Variants in FAM210A observed in about 807,000 individuals in gnomAD.
The protein encoded by FAM210A is mitochondrial inner membrane scaffold 1, also known as family with sequence similarity 210 member A.
A neutral mutation model predicts 25.3 loss-of-function variants in FAM210A; 13 were observed. The observed-to-expected ratio is 0.51, with a 90% CI of 0.33 to 0.82. FAM210A has a LOEUF of 0.82. Among genes scored for constraint, FAM210A ranks in the 40% least tolerant of loss-of-function variants. The pLI is 0.02. For synonymous variants in FAM210A, 125 were observed against 118.7 expected (o/e 1.05, Z -0.35); for missense variants, 319 against 323.2 (o/e 0.99, Z 0.10).
intron 1 of FAM210A, among the ~76,000 whole-genome samples, chr18:13,700,858 A>G (rs998709071): frequency 7.2e-5 from 11 of 152,222 alleles, no homozygotes; most frequent in Admixed American, 2.6e-4. Context: ...AACCACTCAT[A>G]GACTGCTAAG....
chr18:13,721,384 G>A (rs1426785269), intron 1 of FAM210A, among the ~76,000 whole-genome samples: 1 of 152,140 alleles, frequency 6.6e-6, no homozygotes, highest in African/African-American at 2.4e-5. Flanking sequence ...ACTCAGTTAA[G>A]TTTATGATAA....
intron 1 of FAM210A, among the ~76,000 whole-genome samples, chr18:13,712,687 C>T (rs2043831065): frequency 6.6e-6 from 1 of 152,174 alleles, no homozygotes; most frequent in Non-Finnish European, 1.5e-5. Flanking sequence ...ACACCTTTAT[C>T]TGCCAGTACC....
chr18:13,713,508 C>T (rs1456394385), intron 1 of FAM210A, among the ~76,000 whole-genome samples: 1 of 152,092 alleles, frequency 6.6e-6, no homozygotes, highest in African/African-American at 2.4e-5. Context: ...CATAAATAAT[C>T]CTGAATACAT....
rs2043379466 is a variant in FAM210A, at chr18:13,663,854, T to A, written c.*2626A>T. On this transcript the variant is annotated 3_prime_UTR_variant, in exon 4 of 4. Transcript: ENST00000651643. ...AAATATAAATATAAATGTAGACATGTAAGACACAGGGCTGCTTCTGCCGAG... is the reference window on the plus strand; with the variant it reads ...AAATATAAATATAAATGTAGACATGAAAGACACAGGGCTGCTTCTGCCGAG... 1 of 151,958 alleles carries A rather than the reference T, an allele frequency of 6.6e-6. No homozygotes were observed. Among genetic ancestry groups the A allele is most frequent in the Non-Finnish European group, 1.5e-5 (1 of 68,044 alleles). 9.4% of individuals were successfully genotyped at this position (151,958 alleles called of 1,614,324 possible).
chr18:13,703,400 G>C (rs2043756061), intron 1 of FAM210A, among the ~76,000 whole-genome samples: 1 of 152,210 alleles, frequency 6.6e-6, no homozygotes, highest in African/African-American at 2.4e-5. Context: ...CAAATGGGCT[G>C]ATTGGTTTTG....
intron 1 of FAM210A, among the ~76,000 whole-genome samples, chr18:13,726,054 G>A (rs776287169): frequency 6.6e-6 from 1 of 152,244 alleles, no homozygotes; most frequent in Non-Finnish European, 1.5e-5. Context: ...AAGGGTTACA[G>A]CAAAGGAGGC....
intron 1 of FAM210A, among the ~76,000 whole-genome samples, chr18:13,702,001 A>AAG (rs2043744729): frequency 6.6e-6 from 1 of 152,216 alleles, no homozygotes; most frequent in African/African-American, 2.4e-5. Context: ...GCCCCCATGC[A>AAG]GCTGGTTGGG....
chr18:13,688,893 T>C (rs2043619703), intron 1 of FAM210A, among the ~76,000 whole-genome samples: 2 of 152,354 alleles, frequency 1.3e-5, no homozygotes, highest in South Asian at 4.1e-4. Context: ...TCTCCTGTGA[T>C]GGGTGGAGCA....
intron 3 of FAM210A, among the ~76,000 whole-genome samples, chr18:13,671,592 G>A (rs570943550): frequency 1.3e-5 from 2 of 151,788 alleles, no homozygotes; most frequent in East Asian, 3.9e-4. Context: ...GGGAGGCTGA[G>A]GTAGGAGAAT....
At chr18:13,711,440 A>G (rs2043820612) in intron 1 of FAM210A, among the ~76,000 whole-genome samples, 1 of 152,136 alleles carries the variant, frequency 6.6e-6, no homozygotes, top group Non-Finnish European at 1.5e-5. Flanking sequence ...CAAAAAAACC[A>G]GCCTTCTCTT....
chr18:13,687,730 A>AC (rs897530740), intron 1 of FAM210A: 3 of 152,190 alleles, frequency 2.0e-5, no homozygotes, highest in African/African-American at 7.2e-5. Context: ...TCATGGTTAA[A>AC]CACTGCACTT....
chr18:13,724,199 C>T (rs2043917013), intron 1 of FAM210A, among the ~76,000 whole-genome samples: 1 of 152,038 alleles, frequency 6.6e-6, no homozygotes, highest in Non-Finnish European at 1.5e-5. Flanking sequence ...ACATCATAAC[C>T]CAGGCATTAA....
rs747729503 is a variant in FAM210A at position 13,681,826 on chromosome 18, C to T, written c.252G>A (p.Lys84=). The change falls in exon 2 of 4, where the codon AAG becomes AAA. Residue 84 remains lysine, a synonymous_variant. Transcript: ENST00000651643. The part of the protein sequence containing the change: ...HPPQPGVLRH[K]QGKQHVSFRR... ...TGAATGAAACATGTTGCTTCCCTTGCTTATGGCGAAGGACTCCTGGTTGGG... is the reference window on the plus strand; with the variant it reads ...TGAATGAAACATGTTGCTTCCCTTGTTTATGGCGAAGGACTCCTGGTTGGG... The T allele has an allele frequency of 3.7e-6, 6 of 1,614,204 alleles. No individual in the cohort carries two copies. The highest frequency in any genetic ancestry group is 2.2e-5 in the East Asian group (1 of 44,886).
intron 2 of FAM210A, among the ~76,000 whole-genome samples, chr18:13,679,034 A>G (rs560752310): frequency 1.6e-4 from 24 of 152,246 alleles, no homozygotes; most frequent in Non-Finnish European, 3.1e-4. Flanking sequence ...AGCTCAGTTT[A>G]AAATAAAATC....
Position 13,681,650 on chromosome 18 carries a change from AT to A in FAM210A, c.427del (p.Ile143Ter). On this transcript the variant is annotated frameshift_variant, in exon 2 of 4. Coordinates refer to ENST00000651643, the MANE Select transcript of FAM210A (RefSeq NM_152352.4). LOFTEE classifies it high-confidence loss of function. ...TGTTCCAAACCAAACACCAGAAGTT[AT>A]TAGATGCACTGGAATCAGAACTTTT... ...YGKVLIPVHL[I>X]TSGVWFGTFY... 6.2e-7 allele frequency: 1 copy of A among 1,612,712 alleles called. No homozygotes were observed. Among genetic ancestry groups the A allele is most frequent in the East Asian group, 2.2e-5 (1 of 44,888 alleles).
In FAM210A at chr18:13,694,077, A is replaced by C. The variant is rs189371264; in HGVS notation, c.-28-11972T>G. ...AAAATCACAAGCATTCCTATACACC[A>C]ATAACAGACAAACAGAATGCCAAAT... is the stretch of plus-strand genomic sequence containing the variant. On this transcript the variant is annotated intron_variant, in intron 1 of 3. Transcript: ENST00000651643. Among the ~76,000 whole-genome samples, 382 of 152,334 alleles carry C rather than the reference A, an allele frequency of 2.5e-3. 2 individuals are homozygous for C. Among genetic ancestry groups the C allele is most frequent in the African/African-American group, 8.5e-3 (354 of 41,580 alleles).
chr18:13,669,160 T>G (rs1405724868), intron 3 of FAM210A, among the ~76,000 whole-genome samples: 1 of 152,202 alleles, frequency 6.6e-6, no homozygotes, highest in Admixed American at 6.5e-5. Flanking sequence ...CCACCTGGGT[T>G]CTGGCCACTA....
chr18:13,682,131 T>A (rs1012641850), intron 1 of FAM210A, 26 bp from the exon 2 acceptor site: 14 of 1,432,424 alleles, frequency 9.8e-6, no homozygotes, highest in African/African-American at 4.3e-5. Context: ...TTCAAAAAAA[T>A]TAGGTAATAC....
intron 1 of FAM210A, among the ~76,000 whole-genome samples, chr18:13,698,830 C>G (rs1363414220): frequency 6.6e-6 from 1 of 152,194 alleles, no homozygotes; most frequent in East Asian, 1.9e-4. Context: ...CCCCTCCCCC[C>G]GATACCTATA....
Sources: gnomAD v4.1 joint callset for allele counts (sites outside exome capture counted in the v4.1 genomes callset) on GRCh38, gnomAD v4.1.1 for gene constraint, MANE v1.5 for transcripts, NCBI Gene and HGNC (gene_info 2026-07-23, HGNC 2026-07-21) for gene names.